INSR: variants seen among roughly 807,000 people sequenced by gnomAD.
INSR encodes the protein IR.
In INSR, 67 loss-of-function variants were observed where a neutral mutation model predicts 142.6. The ratio of observed to expected loss-of-function variants is 0.47; its 90% CI spans 0.39 to 0.58. The LOEUF (loss-of-function observed/expected upper bound fraction) is 0.58. INSR is among the 20% of genes least tolerant of loss of function. The pLI is 0.00. For synonymous variants in INSR, 756 were observed against 743.1 expected (o/e 1.02, Z -0.28); for missense variants, 1,248 against 1,833.2 (o/e 0.68, Z 5.83).
At chr19:7,201,854 G>C (rs906452402) in intron 2 of INSR, among the ~76,000 whole-genome samples, 2 of 151,712 alleles carry the variant, frequency 1.3e-5, no homozygotes, top group African/African-American at 4.8e-5. Flanking sequence ...GTAGAGACGG[G>C]GTTTCACCGT....
chr19:7,211,637 A>G (rs940853905), intron 2 of INSR, among the ~76,000 whole-genome samples: 2 of 152,224 alleles, frequency 1.3e-5, no homozygotes, highest in East Asian at 3.8e-4. Flanking sequence ...AAACATGCAC[A>G]ATCCCATTGA....
Position 7,137,968 on chromosome 19 carries a change from T to G in INSR, c.2682+3709A>C, listed in dbSNP as rs1394016198. On this transcript the variant is annotated intron_variant, in intron 13 of 21. Transcript: ENST00000302850. ...CCTTTTTCTTCTTTTTTCTTTTTCT[T>G]TTTTTTTTTTTTTGAGATGGAGTCT... 6.1e-3 allele frequency among the ~76,000 whole-genome samples: 858 copies of G among 140,456 alleles called. 8 individuals carry two copies. The highest frequency in any genetic ancestry group is 0.042 in the East Asian group (197 of 4,726). 92.1% of individuals were successfully genotyped at this position (140,456 alleles called of 152,430 possible).
chr19:7,117,997 C>A (rs1001311140), intron 21 of INSR, among the ~76,000 whole-genome samples: 2 of 151,096 alleles, frequency 1.3e-5, no homozygotes, highest in African/African-American at 2.4e-5. Context: ...GCCTTGAACT[C>A]CTGGGCTCAA....
At chr19:7,198,103 T>C (rs1974838483) in intron 2 of INSR, among the ~76,000 whole-genome samples, 1 of 151,868 alleles carries the variant, frequency 6.6e-6, no homozygotes, top group Admixed American at 6.5e-5. Flanking sequence ...GAGGGAGCCC[T>C]AGGCGCTCAA....
chr19:7,183,199 A>T (rs1974319780), intron 3 of INSR, among the ~76,000 whole-genome samples: 1 of 151,942 alleles, frequency 6.6e-6, no homozygotes, highest in East Asian at 1.9e-4. Flanking sequence ...TACTTTACGT[A>T]AGCAGGTCAG....
At position 7,159,816 on chromosome 19, in the gene INSR, C is replaced by G. The variant is rs1490360672; in HGVS notation, c.2029+3216G>C. The stretch of plus-strand genomic sequence containing the variant: ...CAAAAAGGAGGCAGACGGTGACTTG[C>G]TTGGGAACTTAGCCAAAGCCCTTCA... On this transcript the variant is annotated intron_variant, in intron 9 of 21. Transcript: ENST00000302850. The surrounding 1 kb of genome is among the most constrained non-coding windows in gnomAD (Gnocchi z 4.3). Among the ~76,000 whole-genome samples, 3 of 152,206 alleles carry G rather than the reference C, an allele frequency of 2.0e-5. No homozygotes were observed. The highest frequency in any genetic ancestry group is 4.4e-5 in the Non-Finnish European group (3 of 68,042).
chr19:7,243,430 G>C (rs559195302), intron 2 of INSR, among the ~76,000 whole-genome samples: 1 of 151,682 alleles, frequency 6.6e-6, no homozygotes, highest in Non-Finnish European at 1.5e-5. Flanking sequence ...ATTTTTAGTA[G>C]AGACGGGGTT....
intron 1 of INSR, among the ~76,000 whole-genome samples, chr19:7,279,937 C>G (rs1235266512): frequency 6.6e-6 from 1 of 151,696 alleles, no homozygotes; most frequent in Non-Finnish European, 1.5e-5. Flanking sequence ...CACTACACTC[C>G]AGCCTAGGCG....
chr19:7,125,352 G>A lies in INSR; in HGVS notation c.3189C>T (p.Ala1063=). Residue 1063 remains alanine, a synonymous_variant, in exon 17 of 22, where the codon GCC becomes GCT. Transcript: ENST00000302850. The surrounding 1 kb of genome is among the most constrained non-coding windows in gnomAD (Gnocchi z 4.9). ...RVAVKTVNES[A]SLRERIEFLN... Reference sequence around the variant, plus strand: ...GGAACTCAATCCGCTCTCGGAGACTGGCTGACTCGTTGACCGTCTTCACCG... The same window carrying A: ...GGAACTCAATCCGCTCTCGGAGACTAGCTGACTCGTTGACCGTCTTCACCG... The A allele has an allele frequency of 6.2e-7, 1 of 1,614,102 alleles. No individual in the cohort carries two copies. Among genetic ancestry groups the A allele is most frequent in the Non-Finnish European group, 8.5e-7 (1 of 1,180,020 alleles).
intron 11 of INSR, among the ~76,000 whole-genome samples, chr19:7,149,901 G>T (rs1192803628): frequency 1.6e-5 from 1 of 61,534 alleles, no homozygotes; most frequent in African/African-American, 4.2e-5. Flanking sequence ...GAAAAGAAAA[G>T]AAAGAAGGAA....
intron 2 of INSR, among the ~76,000 whole-genome samples, chr19:7,219,386 C>G (rs1350220291): frequency 6.6e-6 from 1 of 150,792 alleles, no homozygotes; most frequent in Non-Finnish European, 1.5e-5. Flanking sequence ...CTCTGATTGT[C>G]ATGCCTTGGA....
chr19:7,248,301 G>A (rs921753214), intron 2 of INSR, among the ~76,000 whole-genome samples: 5 of 148,426 alleles, frequency 3.4e-5, no homozygotes, highest in African/African-American at 7.5e-5. Context: ...GTGCACCACC[G>A]CGCCTGGCTA....
intron 2 of INSR, among the ~76,000 whole-genome samples, chr19:7,211,514 C>G (rs74631726): frequency 4.6e-5 from 7 of 152,300 alleles, no homozygotes; most frequent in Non-Finnish European, 7.4e-5. Flanking sequence ...ACCAAGCATT[C>G]TTAACGACCT....
Position 7,293,986 on chromosome 19 carries a change from C to A in INSR, c.-95G>T. 1 of 1,114,576 alleles carries A rather than the reference C, an allele frequency of 9.0e-7. No homozygotes were observed. Among genetic ancestry groups the A allele is most frequent in the Middle Eastern group, 3.8e-4 (1 of 2,606 alleles). 69.0% of individuals were successfully genotyped at this position (1,114,576 alleles called of 1,614,324 possible). ...GCGGCCACCCAAGAGGCGCTGGGGG[C>A]CGCGCGTCCTTCTCTTCCACGCCCG... On this transcript the variant is annotated 5_prime_UTR_variant, in exon 1 of 22. Transcript: ENST00000302850.
rs1972795125 is a variant in INSR, at chr19:7,132,019, A to G, written c.2842+139T>C. ...AAAAAGTGCAGGATCAAAGAGGGCA[A>G]GCACCGCAGCAGCTGATAGGCCTGA... On this transcript the variant is annotated intron_variant, in intron 14 of 21. Transcript: ENST00000302850. The G allele has an allele frequency of 4.9e-6, 5 of 1,026,928 alleles. No homozygotes were observed. The South Asian group carries it at 5.2e-5, about 11-fold the overall frequency. 63.6% of individuals were successfully genotyped at this position (1,026,928 alleles called of 1,614,324 possible). A position where few individuals can be genotyped will look rare whatever the true frequency, so the allele number is the denominator to read the frequency against.
chr19:7,267,983 T>C lies in INSR; in HGVS notation c.101-87A>G. ...AGGATCAGGGGCAGAGCCGGCTTCA[T>C]GGACAGGAAACCTGGGCCCTGTGTT... On this transcript the variant is annotated intron_variant, in intron 1 of 21. Transcript: ENST00000302850. The surrounding 1 kb of genome is among the most constrained non-coding windows in gnomAD (Gnocchi z 6.3). 1 of 1,162,730 alleles carries C rather than the reference T, an allele frequency of 8.6e-7. No homozygotes were observed. 72.0% of individuals were successfully genotyped at this position (1,162,730 alleles called of 1,614,324 possible).
chr19:7,188,797 G>A lies in INSR; in HGVS notation c.653-4160C>T, dbSNP rs56091360. On this transcript the variant is annotated intron_variant, in intron 2 of 21. Coordinates refer to ENST00000302850, the MANE Select transcript of INSR (RefSeq NM_000208.4). ...GCTGAGGCAGTAGAATCGCTTGAAC[G>A]CAAGAGGAGTTTGCAGTGAGTCAAG... 5.1e-3 allele frequency among the ~76,000 whole-genome samples: 736 copies of A among 144,696 alleles called. 5 individuals carry two copies. The highest frequency in any genetic ancestry group is 0.018 in the African/African-American group (683 of 38,628). 94.9% of individuals were successfully genotyped at this position (144,696 alleles called of 152,430 possible). A position where few individuals can be genotyped will look rare whatever the true frequency, so the allele number is the denominator to read the frequency against.
At chr19:7,174,476 G>T in intron 4 of INSR, 107 bp downstream of exon 4, 1 of 1,269,192 alleles carries the variant, frequency 7.9e-7, no homozygotes. Context: ...TCCTAAAAGT[G>T]CTGTAGGAGC....
chr19:7,135,684 C>A (rs1171114664), intron 13 of INSR, among the ~76,000 whole-genome samples: 1 of 151,726 alleles, frequency 6.6e-6, no homozygotes, highest in Non-Finnish European at 1.5e-5. Context: ...AAAATACCTT[C>A]CACCAGCTGG....
Sources: allele counts gnomAD v4.1 joint callset (sites outside exome capture counted in the v4.1 genomes callset), GRCh38; gene constraint gnomAD v4.1.1; non-coding constraint Gnocchi (gnomAD v3.1); transcripts MANE v1.5; gene names NCBI Gene and HGNC (gene_info 2026-07-23, HGNC 2026-07-21).